The following NRXN3 variants were observed in gnomAD, a reference collection of about 807,000 sequenced individuals.
The protein encoded by NRXN3 is neurexin 3, also known as neurexin III.
A neutral mutation model predicts 137.6 loss-of-function variants in NRXN3; 32 were observed. That is an observed-to-expected ratio of 0.23 (90% confidence interval 0.18 to 0.31). The LOEUF is 0.31. NRXN3 is among the 10% of genes least tolerant of loss of function. The pLI is 1.00. For synonymous variants in NRXN3, 798 were observed against 784.5 expected, an observed-to-expected ratio of 1.02 and a Z score of -0.29; for missense variants, 1,574 against 2,062.5, an observed-to-expected ratio of 0.76 and a Z score of 4.59.
At chr14:78,615,008 C>T (rs1039743897) in intron 4 of NRXN3, 6 of 456,576 alleles carry the variant, frequency 1.3e-5, no homozygotes, top group Admixed American at 7.0e-5. Flanking sequence ...CCCCTCTACC[C>T]ACTTCCACCG....
At chr14:79,708,714 G>C (rs1179550063) in intron 19 of NRXN3, among the ~76,000 whole-genome samples, 1 of 152,106 alleles carries the variant, frequency 6.6e-6, no homozygotes, top group African/African-American at 2.4e-5. Flanking sequence ...TGACAGCCTT[G>C]CCTTTTGAAA....
At chr14:78,382,024 T>G (rs1167067954) in intron 4 of NRXN3, among the ~76,000 whole-genome samples, 1 of 152,190 alleles carries the variant, frequency 6.6e-6, no homozygotes, top group Non-Finnish European at 1.5e-5. Context: ...AACATCAATA[T>G]TCTGCTTGTG....
At chr14:79,068,511 G>A (rs2099683548) in intron 15 of NRXN3, among the ~76,000 whole-genome samples, 1 of 152,036 alleles carries the variant, frequency 6.6e-6, no homozygotes, top group African/African-American at 2.4e-5. Flanking sequence ...TACATATGCT[G>A]CCTTGCTGTT....
chr14:79,713,310 C>T (rs2098811755), intron 19 of NRXN3, among the ~76,000 whole-genome samples: 1 of 149,816 alleles, frequency 6.7e-6, no homozygotes, highest in African/African-American at 2.4e-5. Context: ...TGGTTATTTG[C>T]CGATTAGCTG....
intron 16 of NRXN3, among the ~76,000 whole-genome samples, chr14:79,564,799 T>C (rs2097532225): frequency 6.6e-6 from 1 of 152,162 alleles, no homozygotes. Flanking sequence ...AACAAACCTG[T>C]CATACCTTAT....
chr14:79,491,178 A>C (rs1202652264), intron 16 of NRXN3, among the ~76,000 whole-genome samples: 5 of 152,152 alleles, frequency 3.3e-5, no homozygotes, highest in Non-Finnish European at 7.4e-5. Flanking sequence ...AAATTTAGTG[A>C]GGTTAAGTGA....
At chr14:78,666,119 C>G (rs1265272276) in intron 6 of NRXN3, among the ~76,000 whole-genome samples, 1 of 152,086 alleles carries the variant, frequency 6.6e-6, no homozygotes, top group Non-Finnish European at 1.5e-5. Flanking sequence ...GGTAAAAAAA[C>G]ACATATCCCA....
chr14:79,133,032 G>T (rs1413556336), intron 15 of NRXN3, among the ~76,000 whole-genome samples: 5 of 152,336 alleles, frequency 3.3e-5, no homozygotes, highest in Admixed American at 3.3e-4. Flanking sequence ...AACCCTGAAG[G>T]CGCTGGCAGC....
At chr14:78,984,966 T>C (rs1447747479) in intron 14 of NRXN3, among the ~76,000 whole-genome samples, 1 of 152,226 alleles carries the variant, frequency 6.6e-6, no homozygotes, top group Non-Finnish European at 1.5e-5. Flanking sequence ...GTGACAATAC[T>C]GTTGTTCTTG....
chr14:79,365,939 G>T (rs1466844811), intron 15 of NRXN3, among the ~76,000 whole-genome samples: 1 of 151,888 alleles, frequency 6.6e-6, no homozygotes, highest in African/African-American at 2.4e-5. Context: ...AGATAAAATT[G>T]ATAGTTAACA....
At chr14:78,775,125 C>A (rs2098740850) in intron 8 of NRXN3, among the ~76,000 whole-genome samples, 1 of 152,104 alleles carries the variant, frequency 6.6e-6, no homozygotes, top group Admixed American at 6.5e-5. Flanking sequence ...GATTTATAAT[C>A]AATATTTTTA....
At chr14:79,394,237 G>A (rs1479129277) in intron 15 of NRXN3, among the ~76,000 whole-genome samples, 1 of 152,120 alleles carries the variant, frequency 6.6e-6, no homozygotes, top group African/African-American at 2.4e-5. Flanking sequence ...GCTTTGTTCT[G>A]GGGCTGGAAG....
intron 4 of NRXN3, among the ~76,000 whole-genome samples, chr14:78,460,964 A>G (rs1171880218): frequency 1.3e-5 from 2 of 152,072 alleles, no homozygotes; most frequent in Non-Finnish European, 2.9e-5. Flanking sequence ...GAAGATAAGC[A>G]CCTCTGAAAT....
chr14:79,576,590 G>A (rs1441823549), intron 16 of NRXN3, among the ~76,000 whole-genome samples: 2 of 152,096 alleles, frequency 1.3e-5, no homozygotes, highest in African/African-American at 4.8e-5. Context: ...TTTCATTTTG[G>A]CATTGGACAG....
chr14:79,343,100 G>A (rs1004084595), intron 15 of NRXN3, among the ~76,000 whole-genome samples: 3 of 152,180 alleles, frequency 2.0e-5, no homozygotes, highest in Non-Finnish European at 2.9e-5. Flanking sequence ...GGTGTCAGCC[G>A]ATCCATCCTG....
At position 78,951,268 on chromosome 14, in the gene NRXN3, C is replaced by T. The variant is rs371316436; in HGVS notation, c.2276-5974C>T. Among the ~76,000 whole-genome samples the T allele has an allele frequency of 3.7e-3, 559 of 152,248 alleles. 1 individual carries two copies. Among genetic ancestry groups the T allele is most frequent in the African/African-American group, 0.013 (531 of 41,550 alleles). ...ATATAATCTCCTTACTTAAAACCTT[C>T]CAAGAGCTTCCAGTATGTGTTGAAG... On this transcript the variant is annotated intron_variant, in intron 10 of 20. Transcript: ENST00000335750.
Position 79,396,344 on chromosome 14 carries a change from CAT to C in NRXN3, c.3263-70865_3263-70864del, listed in dbSNP as rs777936370. Among the ~76,000 whole-genome samples the C allele has an allele frequency of 1.3e-4, 20 of 151,234 alleles. 1 individual carries two copies. In the East Asian group the frequency reaches 3.5e-3, roughly 26 times the overall value. On this transcript the variant is annotated intron_variant, in intron 15 of 20. Coordinates refer to ENST00000335750, the MANE Select transcript of NRXN3 (RefSeq NM_001330195.2). ...ATATTTTACTAATAAGAGATATATT[CAT>C]ATATATATATACAAATATATGCTTT... is the stretch of plus-strand genomic sequence containing the variant.
At chr14:79,572,458 A>C (rs1316303186) in intron 16 of NRXN3, among the ~76,000 whole-genome samples, 1 of 152,198 alleles carries the variant, frequency 6.6e-6, no homozygotes, top group Non-Finnish European at 1.5e-5. Context: ...GAAATAATGC[A>C]TGTAACTTGC....
chr14:79,832,327 A>T (rs2099326344), intron 20 of NRXN3, among the ~76,000 whole-genome samples: 1 of 152,216 alleles, frequency 6.6e-6, no homozygotes, highest in African/African-American at 2.4e-5. Context: ...AAGGAATTAC[A>T]GTATGGAGTG....
Sources: gnomAD v4.1 joint callset for allele counts (sites outside exome capture counted in the v4.1 genomes callset) on GRCh38, gnomAD v4.1.1 for gene constraint, MANE v1.5 for transcripts, NCBI Gene and HGNC (gene_info 2026-07-23, HGNC 2026-07-21) for gene names.